The following ITGAE variants were observed in gnomAD, a reference collection of about 807,000 sequenced individuals.
ITGAE encodes the protein integrin alpha-E.
Under a neutral mutation model 136.5 loss-of-function variants are expected in ITGAE, and 99 were observed. The observed-to-expected ratio is 0.73, with a 90% CI of 0.62 to 0.86. The LOEUF (loss-of-function observed/expected upper bound fraction) is 0.86. ITGAE is among the 40% of genes least tolerant of loss of function. The pLI is 0.00. For missense variants in ITGAE, 1,447 were observed against 1,515.3 expected, an observed-to-expected ratio of 0.95 and a Z score of 0.75; for synonymous variants, 613 against 591.8, an observed-to-expected ratio of 1.04 and a Z score of -0.52.
intron 1 of ITGAE, among the ~76,000 whole-genome samples, chr17:3,781,198 G>A (rs1270461483): frequency 2.6e-5 from 4 of 152,154 alleles, no homozygotes; most frequent in African/African-American, 9.7e-5. Context: ...TCTTGCATAT[G>A]CTGTTTTCCC....
At chr17:3,733,280 C>A (rs966901786) in intron 21 of ITGAE, among the ~76,000 whole-genome samples, 1 of 151,994 alleles carries the variant, frequency 6.6e-6, no homozygotes, top group Non-Finnish European at 1.5e-5. Flanking sequence ...CCACGGTGCC[C>A]GGCCTAGGAG....
In ITGAE at chr17:3,720,316, G is replaced by A. The variant is rs1177006603; in HGVS notation, c.3324C>T (p.His1108=). 2 of 1,549,564 alleles carry A rather than the reference G, an allele frequency of 1.3e-6. No homozygotes were observed. The highest frequency in any genetic ancestry group is 2.2e-5 in the South Asian group (2 of 89,594). Residue 1108 remains histidine (H), a synonymous_variant, in exon 29 of 31, where the codon CAC becomes CAT. Coordinates refer to ENST00000263087, the MANE Select transcript of ITGAE (RefSeq NM_002208.5). ...GCCAGCCAGGAATTACCTTAGTTCT[G>A]TGGTTCTCTGCATTCAGTCCCTCAT... is the stretch of plus-strand genomic sequence containing the variant. ...SLYEGLNAEN[H]RTKITVVFLK... is the part of the protein sequence containing the mutation.
intron 2 of ITGAE, among the ~76,000 whole-genome samples, chr17:3,767,289 G>T (rs1328387228): frequency 6.6e-6 from 1 of 151,952 alleles, no homozygotes. Context: ...TACAGATGGG[G>T]TTTTCACCAT....
intron 5 of ITGAE, 86 bp downstream of exon 5, chr17:3,761,317 G>T: frequency 6.5e-7 from 1 of 1,544,024 alleles, no homozygotes; most frequent in Non-Finnish European, 8.7e-7. Context: ...GCGTCCCACT[G>T]CATCTGCCGT....
At chr17:3,794,746 G>A (rs1312288946) in intron 1 of ITGAE, among the ~76,000 whole-genome samples, 2 of 152,172 alleles carry the variant, frequency 1.3e-5, no homozygotes, top group Non-Finnish European at 2.9e-5. Flanking sequence ...CAGTCACTCT[G>A]GGGAAAAAAC....
At chr17:3,794,796 C>A (rs546643201) in intron 1 of ITGAE, among the ~76,000 whole-genome samples, 1 of 152,136 alleles carries the variant, frequency 6.6e-6, no homozygotes, top group African/African-American at 2.4e-5. Flanking sequence ...TTAAAAAGTG[C>A]GAGCTGCCAA....
chr17:3,786,073 A>C (rs1388219483), intron 1 of ITGAE, among the ~76,000 whole-genome samples: 8 of 151,072 alleles, frequency 5.3e-5, no homozygotes, highest in African/African-American at 2.0e-4. Flanking sequence ...AGGCTGAGGC[A>C]GGAGAATGGC....
At chr17:3,724,395 G>A (rs778123270) in intron 26 of ITGAE, 7 of 1,610,520 alleles carry the variant, frequency 4.3e-6, no homozygotes, top group Non-Finnish European at 5.9e-6. Flanking sequence ...CAGCGTGTGC[G>A]GCCAGCCCAG....
chr17:3,793,873 G>A (rs1458558840), intron 1 of ITGAE, among the ~76,000 whole-genome samples: 1 of 151,712 alleles, frequency 6.6e-6, no homozygotes, highest in Non-Finnish European at 1.5e-5. Context: ...GGAAGCATTG[G>A]AGCCCTTCCT....
chr17:3,749,204 G>A (rs2051797435), intron 16 of ITGAE, among the ~76,000 whole-genome samples: 1 of 151,892 alleles, frequency 6.6e-6, no homozygotes, highest in Non-Finnish European at 1.5e-5. Context: ...AAAGCCTGAG[G>A]GCAGGATAGA....
chr17:3,767,713 T>TC (rs746255513), intron 2 of ITGAE, among the ~76,000 whole-genome samples: 6 of 152,164 alleles, frequency 3.9e-5, no homozygotes, highest in Non-Finnish European at 7.3e-5. Context: ...AGCCTTGACC[T>TC]CCCGGGCTCA....
intron 1 of ITGAE, among the ~76,000 whole-genome samples, chr17:3,790,806 G>T (rs758330937): frequency 3.3e-5 from 5 of 152,154 alleles, no homozygotes; most frequent in Admixed American, 6.5e-5. Context: ...CACAGCAACC[G>T]CATGTCATGT....
intron 20 of ITGAE, among the ~76,000 whole-genome samples, chr17:3,736,613 G>A (rs933688484): frequency 1.3e-5 from 2 of 152,180 alleles, no homozygotes; most frequent in East Asian, 1.9e-4. Flanking sequence ...CACATGTCCT[G>A]GAAAAGAGGG....
intron 2 of ITGAE, among the ~76,000 whole-genome samples, chr17:3,765,221 T>A (rs191987363): frequency 0.017 from 2,625 of 151,102 alleles, 43 homozygotes; most frequent in African/African-American, 0.035. Context: ...TGGTGGCGGG[T>A]GCCTGTAGTC....
At position 3,760,953 on chromosome 17, in the gene ITGAE, C is replaced by T. The variant is rs985697080; in HGVS notation, c.598+60G>A. 4.5e-6 allele frequency: 7 copies of T among 1,549,462 alleles called. No individual in the cohort carries two copies. The African/African-American group carries it at 6.8e-5, about 15-fold the overall frequency. ...CTGAGGCACCCCTCACCCTTGGAGGCCACCAGCCTAGGAATTGGCTCTGAT... is the reference window on the plus strand; with the variant it reads ...CTGAGGCACCCCTCACCCTTGGAGGTCACCAGCCTAGGAATTGGCTCTGAT... On this transcript the variant is annotated intron_variant, in intron 6 of 30. Coordinates refer to ENST00000263087, the MANE Select transcript of ITGAE (RefSeq NM_002208.5).
At chr17:3,760,955 A>G in intron 6 of ITGAE, 58 bp downstream of exon 6, 2 of 1,551,592 alleles carry the variant, frequency 1.3e-6, no homozygotes, top group East Asian at 2.3e-5. Flanking sequence ...CTTGGAGGCC[A>G]CCAGCCTAGG....
chr17:3,714,872 T>C lies in ITGAE; in HGVS notation c.3515A>G (p.Glu1172Gly). ...ESIRKAQLKS[E>G]NLLEEEN ...CTAATTCTCTTCTTCGAGCAGATTC[T>C]CTGATTTCAGCTGGGCCTTCCTGAT... Residue 1172 changes from glutamate (E) to glycine (G), a missense_variant, in exon 31 of 31, where the codon GAG becomes GGG. This residue lies in a region of ITGAE where 1,031 missense variants were observed against 1,011.4 expected (regional missense o/e 1.02). Coordinates refer to ENST00000263087, the MANE Select transcript of ITGAE (RefSeq NM_002208.5). 1 of 1,610,370 alleles carries C rather than the reference T, an allele frequency of 6.2e-7. No homozygotes were observed. Among genetic ancestry groups the C allele is most frequent in the South Asian group, 1.1e-5 (1 of 90,974 alleles).
intron 1 of ITGAE, among the ~76,000 whole-genome samples, chr17:3,787,215 G>T (rs913299532): frequency 6.6e-6 from 1 of 151,660 alleles, no homozygotes; most frequent in African/African-American, 2.4e-5. Flanking sequence ...TGGTTCAAGC[G>T]ATTCTCCTGC....
intron 16 of ITGAE, among the ~76,000 whole-genome samples, chr17:3,749,263 T>C (rs1313855158): frequency 1.3e-5 from 2 of 152,004 alleles, no homozygotes; most frequent in Non-Finnish European, 2.9e-5. Flanking sequence ...TTTTTCTTTT[T>C]TTTTTTTTGG....
Sources: gnomAD v4.1 joint callset for allele counts (sites outside exome capture counted in the v4.1 genomes callset) on GRCh38, gnomAD v4.1.1 for gene constraint, gnomAD v4.1.1 regional missense constraint, MANE v1.5 for transcripts, NCBI Gene and HGNC (gene_info 2026-07-23, HGNC 2026-07-21) for gene names.